Variants in NRXN3 observed in about 807,000 individuals in gnomAD.
NRXN3 encodes neurexin 3.
A neutral mutation model predicts 137.6 loss-of-function variants in NRXN3; 32 were observed. The ratio of observed to expected loss-of-function variants is 0.23; its 90% CI spans 0.18 to 0.31. NRXN3 has a LOEUF of 0.31. NRXN3 is among the 10% of genes least tolerant of loss of function. NRXN3 has a pLI of 1.00. For missense variants in NRXN3, 1,574 were observed against 2,062.5 expected (o/e 0.76, Z 4.59); for synonymous variants, 798 against 784.5 (o/e 1.02, Z -0.29).
intron 15 of NRXN3, among the ~76,000 whole-genome samples, chr14:79,013,615 C>T (rs1031901376): frequency 6.6e-6 from 1 of 152,128 alleles, no homozygotes; most frequent in African/African-American, 2.4e-5. Flanking sequence ...CTTTATTAGA[C>T]TGACTTTGCT....
At chr14:79,703,333 A>G (rs2098762796) in intron 19 of NRXN3, among the ~76,000 whole-genome samples, 1 of 152,168 alleles carries the variant, frequency 6.6e-6, no homozygotes, top group Non-Finnish European at 1.5e-5. Flanking sequence ...GATGATTACA[A>G]AACAAAGAAA....
intron 4 of NRXN3, among the ~76,000 whole-genome samples, chr14:78,490,440 A>G (rs1028095187): frequency 6.6e-6 from 1 of 152,196 alleles, no homozygotes; most frequent in African/African-American, 2.4e-5. Context: ...CAGAAAACAT[A>G]GTATTATCAC....
chr14:79,699,743 C>T (rs577902534), intron 19 of NRXN3, among the ~76,000 whole-genome samples: 30 of 152,128 alleles, frequency 2.0e-4, no homozygotes, highest in Admixed American at 5.9e-4. Context: ...CTGGGAATGC[C>T]TTCTCCAATA....
chr14:78,411,887 G>A (rs577385902), intron 4 of NRXN3, among the ~76,000 whole-genome samples: 1 of 152,124 alleles, frequency 6.6e-6, no homozygotes, highest in Non-Finnish European at 1.5e-5. Context: ...GACCTCAAAT[G>A]TCCTTTTCCA....
At chr14:79,411,861 T>C (rs908084037) in intron 15 of NRXN3, among the ~76,000 whole-genome samples, 2 of 152,208 alleles carry the variant, frequency 1.3e-5, no homozygotes, top group African/African-American at 2.4e-5. Flanking sequence ...AAGAAGCTCA[T>C]AGTCTATTTA....
chr14:78,182,290 G>C (rs2059878626), intron 1 of NRXN3, among the ~76,000 whole-genome samples: 1 of 152,164 alleles, frequency 6.6e-6, no homozygotes, highest in Non-Finnish European at 1.5e-5. Context: ...AAGGTGCCCA[G>C]TCTGGAACTA....
At chr14:79,527,166 A>T (rs189664532) in intron 16 of NRXN3, among the ~76,000 whole-genome samples, 1 of 151,212 alleles carries the variant, frequency 6.6e-6, no homozygotes, top group East Asian at 2.0e-4. Flanking sequence ...TGGTGGCAGA[A>T]GCCTGTAATC....
At chr14:79,748,547 C>T (rs1467059970) in intron 19 of NRXN3, among the ~76,000 whole-genome samples, 1 of 152,052 alleles carries the variant, frequency 6.6e-6, no homozygotes, top group Non-Finnish European at 1.5e-5. Flanking sequence ...CTGACAACCC[C>T]TTGAAGAGTT....
intron 20 of NRXN3, among the ~76,000 whole-genome samples, chr14:79,806,082 T>C (rs2140650965): frequency 6.6e-6 from 1 of 152,336 alleles, no homozygotes; most frequent in South Asian, 2.1e-4. Context: ...ACAGATATCA[T>C]CGAATTTCTG....
intron 15 of NRXN3, among the ~76,000 whole-genome samples, chr14:79,223,282 A>T (rs1163875348): frequency 6.6e-6 from 1 of 152,148 alleles, no homozygotes; most frequent in Non-Finnish European, 1.5e-5. Flanking sequence ...TATGCCTTGG[A>T]GCCATGGGCA....
chr14:78,854,302 T>A (rs142865820), intron 10 of NRXN3, among the ~76,000 whole-genome samples: 1 of 152,336 alleles, frequency 6.6e-6, no homozygotes, highest in Non-Finnish European at 1.5e-5. Flanking sequence ...TTTTTGGGCC[T>A]TACCTTGGCG....
At chr14:78,614,955 C>T (rs762342566) in intron 4 of NRXN3, 5 of 456,458 alleles carry the variant, frequency 1.1e-5, no homozygotes, top group Admixed American at 2.4e-5. Context: ...AGTTTTCTGC[C>T]GTGGGATGGT....
At chr14:79,557,138 G>C (rs2097437991) in intron 16 of NRXN3, among the ~76,000 whole-genome samples, 1 of 151,998 alleles carries the variant, frequency 6.6e-6, no homozygotes, top group South Asian at 2.1e-4. Context: ...AATGATTACT[G>C]TATTATATTG....
intron 14 of NRXN3, among the ~76,000 whole-genome samples, chr14:78,973,755 G>A (rs960020292): frequency 1.3e-5 from 2 of 152,174 alleles, no homozygotes; most frequent in African/African-American, 2.4e-5. Flanking sequence ...GGAGGAACAA[G>A]CATTTTAGGT....
At chr14:78,295,692 G>C (rs1434839905) in intron 3 of NRXN3, among the ~76,000 whole-genome samples, 1 of 152,072 alleles carries the variant, frequency 6.6e-6, no homozygotes, top group Non-Finnish European at 1.5e-5. Context: ...TGATTCATTA[G>C]GTCTTGGTTC....
chr14:79,005,028 C>T (rs1391971978), intron 15 of NRXN3, among the ~76,000 whole-genome samples: 3 of 152,096 alleles, frequency 2.0e-5, no homozygotes, highest in Non-Finnish European at 4.4e-5. Flanking sequence ...CCTCAAATAC[C>T]TGGCCACGTA....
intron 4 of NRXN3, among the ~76,000 whole-genome samples, chr14:78,402,392 T>A (rs897364981): frequency 6.6e-6 from 1 of 152,204 alleles, no homozygotes; most frequent in Non-Finnish European, 1.5e-5. Flanking sequence ...TATATAATAA[T>A]TCTTAGGAAA....
At chr14:79,829,943 C>T (rs573571051) in intron 20 of NRXN3, among the ~76,000 whole-genome samples, 1 of 152,338 alleles carries the variant, frequency 6.6e-6, no homozygotes, top group South Asian at 2.1e-4. Context: ...AATTCAGGCA[C>T]TTCCTCCAAG....
chr14:78,644,223 A>G (rs774328074), intron 4 of NRXN3, among the ~76,000 whole-genome samples: 1 of 152,148 alleles, frequency 6.6e-6, no homozygotes, highest in Non-Finnish European at 1.5e-5. Context: ...GCCCTGAAAA[A>G]CAGGCTTAAG....
Sources: gnomAD v4.1 joint callset for allele counts (sites outside exome capture counted in the v4.1 genomes callset) on GRCh38, gnomAD v4.1.1 for gene constraint, MANE v1.5 for transcripts, NCBI Gene and HGNC (gene_info 2026-07-23, HGNC 2026-07-21) for gene names.